The following TMEM108 variants were observed in gnomAD, a reference collection of about 807,000 sequenced individuals.
The protein encoded by TMEM108 is transmembrane protein 108.
A neutral mutation model predicts 35.1 loss-of-function variants in TMEM108; 12 were observed. The ratio of observed to expected loss-of-function variants is 0.34; its 90% CI spans 0.22 to 0.55. TMEM108 has a LOEUF of 0.55. Ranked by LOEUF, TMEM108 falls within the 20% of genes least tolerant of loss-of-function variation. The pLI, the probability that TMEM108 is intolerant of heterozygous loss-of-function variation, is 0.89. For missense variants in TMEM108, 680 were observed against 753.3 expected (o/e 0.90, Z 1.14); for synonymous variants, 287 against 308.6 (o/e 0.93, Z 0.73).
chr3:133,285,870 T>C (rs11706654), intron 3 of TMEM108, among the ~76,000 whole-genome samples: 46,609 of 152,100 alleles, frequency 0.31, 7,880 homozygotes, highest in East Asian at 0.47. Flanking sequence ...TGTTTTGCAG[T>C]CCAGTCATAT....
chr3:133,140,277 T>A (rs1944623256), intron 2 of TMEM108, among the ~76,000 whole-genome samples: 1 of 152,206 alleles, frequency 6.6e-6, no homozygotes, highest in African/African-American at 2.4e-5. Context: ...GCATAGACAT[T>A]ATAGTTGTAA....
rs116421256 is a variant in TMEM108 at position 133,131,756 on chromosome 3, G to A, written c.-47+85736G>A. Among the ~76,000 whole-genome samples, 720 of 151,978 alleles carry A rather than the reference G, an allele frequency of 4.7e-3. 6 individuals are homozygous for A. The highest frequency in any genetic ancestry group is 0.016 in the African/African-American group (673 of 41,458). On this transcript the variant is annotated intron_variant, in intron 2 of 5. Transcript: ENST00000321871. ...CAAAAGCTAGGCCTCTTGCATCAGCGAGACAAGTTAGGAATGCAAAGCAAA... is the reference window on the plus strand; with the variant it reads ...CAAAAGCTAGGCCTCTTGCATCAGCAAGACAAGTTAGGAATGCAAAGCAAA...
In TMEM108 at chr3:133,380,208, C is replaced by G; in HGVS notation, c.497C>G (p.Pro166Arg). 1 of 1,611,642 alleles carries G rather than the reference C, an allele frequency of 6.2e-7. No homozygotes were observed. Among genetic ancestry groups the G allele is most frequent in the Non-Finnish European group, 8.5e-7 (1 of 1,178,718 alleles). ...APPRTTTRRP[P>R]RPPGSSRKGA... is the part of the protein sequence containing the mutation. Reference sequence around the variant, plus strand: ...CCCCGCACTACCACACGCAGGCCCCCCAGGCCCCCAGGCTCTTCCCGAAAA... The same window carrying G: ...CCCCGCACTACCACACGCAGGCCCCGCAGGCCCCCAGGCTCTTCCCGAAAA... The change falls in exon 4 of 6, where the codon CCC becomes CGC. Residue 166 changes from proline (P) to arginine (R), a missense_variant. By Grantham distance (103) the Pro-to-Arg change is moderately radical (BLOSUM62 -2). This residue lies in a region of TMEM108 where 526 missense variants were observed against 532.1 expected (regional missense o/e 0.99). Transcript: ENST00000321871. This position sits in a 1 kb window ranked among gnomAD's most constrained non-coding sequence, Gnocchi z 5.3.
intron 3 of TMEM108, among the ~76,000 whole-genome samples, chr3:133,258,514 A>G (rs1359397217): frequency 6.6e-6 from 1 of 152,282 alleles, no homozygotes; most frequent in African/African-American, 2.4e-5. Context: ...GGAATTCCTT[A>G]GGTGTTTGTG....
At chr3:133,326,217 C>T (rs1304125948) in intron 3 of TMEM108, among the ~76,000 whole-genome samples, 1 of 152,204 alleles carries the variant, frequency 6.6e-6, no homozygotes, top group Non-Finnish European at 1.5e-5. Flanking sequence ...AGCCTGGGCA[C>T]ACACCCCAGT....
At chr3:133,198,564 T>A (rs559882982) in intron 2 of TMEM108, among the ~76,000 whole-genome samples, 1 of 152,362 alleles carries the variant, frequency 6.6e-6, no homozygotes, top group Non-Finnish European at 1.5e-5. Context: ...GAGGGCAGTT[T>A]GGCCAGGGGA....
intron 3 of TMEM108, among the ~76,000 whole-genome samples, chr3:133,283,396 G>A (rs1243955699): frequency 6.6e-6 from 1 of 152,134 alleles, no homozygotes; most frequent in East Asian, 1.9e-4. Context: ...GAAAACCTCT[G>A]CATTTCAGGT....
At chr3:133,298,551 A>G (rs1478115475) in intron 3 of TMEM108, among the ~76,000 whole-genome samples, 2 of 152,168 alleles carry the variant, frequency 1.3e-5, no homozygotes, top group Non-Finnish European at 1.5e-5. Context: ...CTTCTTCTAG[A>G]ACAGGTACCA....
intron 3 of TMEM108, among the ~76,000 whole-genome samples, chr3:133,370,687 T>C (rs1372108840): frequency 6.6e-6 from 1 of 152,200 alleles, no homozygotes; most frequent in East Asian, 1.9e-4. Context: ...AATTTGACTC[T>C]CATTTTTGTT....
intron 3 of TMEM108, among the ~76,000 whole-genome samples, chr3:133,251,522 A>G (rs552454045): frequency 2.0e-5 from 3 of 152,324 alleles, no homozygotes; most frequent in Non-Finnish European, 4.4e-5. Context: ...GAAATTTCAA[A>G]ACAAACATTT....
At chr3:133,338,008 G>A (rs1227335598) in intron 3 of TMEM108, among the ~76,000 whole-genome samples, 2 of 151,994 alleles carry the variant, frequency 1.3e-5, no homozygotes, top group African/African-American at 4.8e-5. Context: ...ACACGTCGGA[G>A]GAGGCAAAAG....
chr3:133,255,194 A>G (rs575654807), intron 3 of TMEM108, among the ~76,000 whole-genome samples: 2 of 152,334 alleles, frequency 1.3e-5, no homozygotes, highest in South Asian at 4.1e-4. Flanking sequence ...CTTGATGAGG[A>G]TTGGCAAGGT....
intron 3 of TMEM108, among the ~76,000 whole-genome samples, chr3:133,278,749 G>A (rs969378188): frequency 6.6e-6 from 1 of 152,112 alleles, no homozygotes; most frequent in Admixed American, 6.5e-5. Flanking sequence ...TATGTGGCAC[G>A]TGACTATACA....
At chr3:133,378,635 C>A in intron 3 of TMEM108, 1 of 693,778 alleles carries the variant, frequency 1.4e-6, no homozygotes, top group Non-Finnish European at 1.8e-6. Context: ...GTGTTGTCAA[C>A]GGCTCCTACA....
In TMEM108 at chr3:133,045,911, G is replaced by T. The variant is rs1240104973; in HGVS notation, c.-156G>T. 6.6e-6 allele frequency: 1 copy of T among 152,664 alleles called. No individual in the cohort carries two copies. Among genetic ancestry groups the T allele is most frequent in the African/African-American group, 2.4e-5 (1 of 41,458 alleles). The allele number at this position is 152,664 out of a possible 1,614,324, so 9.5% of individuals were successfully genotyped here. A position where few individuals can be genotyped will look rare whatever the true frequency, so the allele number is the denominator to read the frequency against. On this transcript the variant is annotated 5_prime_UTR_variant, in exon 2 of 6. Coordinates refer to ENST00000321871, the MANE Select transcript of TMEM108 (RefSeq NM_023943.4). ...TTTTCATCTTTGCCAGTTGGTGATA[G>T]ATTGGTGGTCATCCAACATGCAGAA...
At chr3:133,249,756 T>C (rs1233506942) in intron 3 of TMEM108, among the ~76,000 whole-genome samples, 1 of 152,174 alleles carries the variant, frequency 6.6e-6, no homozygotes, top group African/African-American at 2.4e-5. Context: ...TGGTGAATAG[T>C]GCTGAGATGA....
chr3:133,190,868 G>A (rs769044977), intron 2 of TMEM108, among the ~76,000 whole-genome samples: 2 of 151,986 alleles, frequency 1.3e-5, no homozygotes, highest in Non-Finnish European at 2.9e-5. Context: ...TGGCTCATAC[G>A]GGATGTTACT....
In TMEM108 at chr3:133,339,905, G is replaced by A. The variant is rs529151281; in HGVS notation, c.41-39847G>A. ...AATTGAAAATTTTCTTGAAACAAATGATAATGAAAACACAATATACCAAAC... is the reference window on the plus strand; with the variant it reads ...AATTGAAAATTTTCTTGAAACAAATAATAATGAAAACACAATATACCAAAC... On this transcript the variant is annotated intron_variant, in intron 3 of 5. Coordinates refer to ENST00000321871, the MANE Select transcript of TMEM108 (RefSeq NM_023943.4). Among the ~76,000 whole-genome samples the A allele has an allele frequency of 1.8e-4, 28 of 151,768 alleles. No individual in the cohort carries two copies. In the South Asian group the frequency reaches 4.1e-3, roughly 22 times the overall value.
intron 3 of TMEM108, among the ~76,000 whole-genome samples, chr3:133,349,715 CA>C (rs889698410): frequency 6.6e-6 from 1 of 151,952 alleles, no homozygotes. Flanking sequence ...AAATACAAAT[CA>C]AAACCACAAT....
Sources: gnomAD v4.1 joint callset for allele counts (sites outside exome capture counted in the v4.1 genomes callset) on GRCh38, gnomAD v4.1.1 for gene constraint, gnomAD v4.1.1 regional missense constraint, Gnocchi (gnomAD v3.1) non-coding constraint, MANE v1.5 for transcripts, NCBI Gene and HGNC (gene_info 2026-07-23, HGNC 2026-07-21) for gene names.